SLC4A5: variants seen among roughly 807,000 people sequenced by gnomAD.
The protein encoded by SLC4A5 is solute carrier family 4 member 5, also known as electrogenic sodium bicarbonate cotransporter 4.
Under a neutral mutation model 120.4 loss-of-function variants are expected in SLC4A5, and 96 were observed. The observed-to-expected ratio is 0.80, with a 90% CI of 0.68 to 0.94. The LOEUF is 0.94. SLC4A5 is among the 40% of genes least tolerant of loss of function. The pLI, the probability that SLC4A5 is intolerant of heterozygous loss-of-function variation, is 0.00. For synonymous variants in SLC4A5, 550 were observed against 571.1 expected (o/e 0.96, Z 0.53); for missense variants, 1,259 against 1,459.5 (o/e 0.86, Z 2.24).
At chr2:74,331,091 A>G (rs1430992480) in intron 4 of SLC4A5, among the ~76,000 whole-genome samples, 74 of 73,046 alleles carry the variant, frequency 1.0e-3, no homozygotes, top group Middle Eastern at 0.013. Flanking sequence ...GTAGATGGTG[A>G]TAGTGACGTA....
intron 21 of SLC4A5, among the ~76,000 whole-genome samples, chr2:74,237,053 G>A (rs566531163): frequency 1.3e-5 from 2 of 149,200 alleles, no homozygotes; most frequent in Non-Finnish European, 3.0e-5. Flanking sequence ...CTTTGCTCAC[G>A]GCAAGCTCTG....
chr2:74,298,878 A>G (rs2104233787), intron 7 of SLC4A5, among the ~76,000 whole-genome samples: 1 of 152,302 alleles, frequency 6.6e-6, no homozygotes. Flanking sequence ...AGACCCTTAA[A>G]AAAAGGCCAA....
chr2:74,251,803 C>A (rs1001925584), intron 16 of SLC4A5, among the ~76,000 whole-genome samples: 1 of 152,174 alleles, frequency 6.6e-6, no homozygotes, highest in Non-Finnish European at 1.5e-5. Context: ...CCACCTGGAG[C>A]CTCAGGGAGC....
intron 7 of SLC4A5, among the ~76,000 whole-genome samples, chr2:74,295,050 G>C (rs976455730): frequency 6.6e-6 from 1 of 152,182 alleles, no homozygotes; most frequent in African/African-American, 2.4e-5. Context: ...TATGAGTCCA[G>C]TTGGGTGAAA....
intron 12 of SLC4A5, among the ~76,000 whole-genome samples, chr2:74,257,687 C>G (rs1466360461): frequency 6.6e-6 from 1 of 151,958 alleles, no homozygotes; most frequent in Non-Finnish European, 1.5e-5. Context: ...TCAAGCAGTT[C>G]TCGTGCCTGT....
rs1306529112 is a variant in SLC4A5 at position 74,238,291 on chromosome 2, C to T, written c.2319+1044G>A. On this transcript the variant is annotated intron_variant, in intron 21 of 30. Coordinates refer to ENST00000394019, the Ensembl canonical transcript of SLC4A5. The stretch of plus-strand genomic sequence containing the variant: ...ATACTGTATTCATAAATCAGAAAAA[C>T]TCAAAATTTGAAAGACGTTAATTCT... Among the ~76,000 whole-genome samples, 5 of 151,960 alleles carry T rather than the reference C, an allele frequency of 3.3e-5. No homozygotes were observed. The East Asian group carries it at 9.6e-4, about 29-fold the overall frequency.
intron 7 of SLC4A5, among the ~76,000 whole-genome samples, chr2:74,302,697 A>G (rs1573079890): frequency 6.6e-6 from 1 of 152,326 alleles, no homozygotes; most frequent in East Asian, 1.9e-4. Context: ...TAACTGAACA[A>G]GACACCACCA....
rs1285783520 is a variant in SLC4A5 at position 74,322,834 on chromosome 2, G to A, written c.-3+5286C>T. Among the ~76,000 whole-genome samples, 5 of 152,140 alleles carry A rather than the reference G, an allele frequency of 3.3e-5. No homozygotes were observed. The East Asian group carries it at 9.6e-4, about 29-fold the overall frequency. On this transcript the variant is annotated intron_variant, in intron 5 of 30. Transcript: ENST00000394019. ...TATGAAATTTTAGAACAGTGACTAT[G>A]AAGAAAAGAAAGATCCCAAAAACTT...
intron 19 of SLC4A5, among the ~76,000 whole-genome samples, chr2:74,243,414 AAT>A (rs1371386887): frequency 6.6e-6 from 1 of 152,202 alleles, no homozygotes; most frequent in Non-Finnish European, 1.5e-5. Context: ...GTGGCTAAGG[AAT>A]TCCATCTTGA....
chr2:74,269,378 T>TTTTG (rs60475335), intron 8 of SLC4A5, among the ~76,000 whole-genome samples: 17,330 of 150,868 alleles, frequency 0.11, 1,219 homozygotes, highest in East Asian at 0.27. Flanking sequence ...GCTGTTTGTT[T>TTTTG]TTTGTTTGTT....
chr2:74,303,093 G>A (rs1347934986), intron 7 of SLC4A5, among the ~76,000 whole-genome samples: 1 of 150,140 alleles, frequency 6.7e-6, no homozygotes, highest in Non-Finnish European at 1.5e-5. Context: ...GTCTGTGTAT[G>A]CCTGTGCATG....
chr2:74,224,404 C>T (rs775223164), intron 28 of SLC4A5, among the ~76,000 whole-genome samples: 1 of 152,206 alleles, frequency 6.6e-6, no homozygotes, highest in South Asian at 2.1e-4. Context: ...TTGTTCCCAG[C>T]CCCTCCTGCC....
exon 6 of SLC4A5, chr2:74,314,967 C>T: frequency 6.2e-7 from 1 of 1,613,522 alleles, no homozygotes; most frequent in South Asian, 1.1e-5. Flanking sequence ...GAAATCTCCT[C>T]CTGTGGTTAG....
At chr2:74,261,756 T>C (rs1196459922) in intron 11 of SLC4A5, among the ~76,000 whole-genome samples, 1 of 152,174 alleles carries the variant, frequency 6.6e-6, no homozygotes, top group Non-Finnish European at 1.5e-5. Flanking sequence ...GCTGCCTGAC[T>C]GAACTGAAGG....
At chr2:74,222,319 A>AT (rs1289433821) in intron 29 of SLC4A5, among the ~76,000 whole-genome samples, 1 of 152,128 alleles carries the variant, frequency 6.6e-6, no homozygotes, top group Non-Finnish European at 1.5e-5. Context: ...GGAATGAGGG[A>AT]TTTTGCCTCA....
chr2:74,322,571 A>C (rs1480001013), intron 5 of SLC4A5, among the ~76,000 whole-genome samples: 3 of 152,236 alleles, frequency 2.0e-5, no homozygotes, highest in Non-Finnish European at 2.9e-5. Context: ...ATACATGTAG[A>C]TATGAAACGA....
chr2:74,308,120 A>G (rs550890260), intron 6 of SLC4A5: 2 of 356,316 alleles, frequency 5.6e-6, no homozygotes, highest in East Asian at 7.7e-5. Context: ...TTGTTCATCC[A>G]TTCTCCTATT....
intron 6 of SLC4A5, chr2:74,307,296 T>C (rs187710718): frequency 2.6e-5 from 14 of 536,450 alleles, no homozygotes; most frequent in East Asian, 4.1e-5. Flanking sequence ...GTCCTAAGAT[T>C]TGGGGACATG....
At chr2:74,273,375 T>C (rs1671537070) in intron 8 of SLC4A5, among the ~76,000 whole-genome samples, 1 of 152,236 alleles carries the variant, frequency 6.6e-6, no homozygotes, top group African/African-American at 2.4e-5. Context: ...TAAGGCTATG[T>C]TGCCTCCAAA....
Sources: gnomAD v4.1 joint callset for allele counts (sites outside exome capture counted in the v4.1 genomes callset) on GRCh38, gnomAD v4.1.1 for gene constraint, MANE v1.5 for transcripts, NCBI Gene and HGNC (gene_info 2026-07-23, HGNC 2026-07-21) for gene names.